ATP11C: variants seen among roughly 807,000 people sequenced by gnomAD.
ATP11C encodes the protein ATPase phospholipid transporting 11C (ATP11C blood group), also known as phospholipid-transporting ATPase IG.
In ATP11C, 36 loss-of-function variants were observed where a neutral mutation model predicts 97.4. That is an observed-to-expected ratio of 0.37 (90% CI 0.28 to 0.49). ATP11C has a LOEUF of 0.49. Ranked by LOEUF, ATP11C falls within the 20% of genes least tolerant of loss-of-function variation. ATP11C has a pLI of 0.98. For synonymous variants in ATP11C, 275 were observed against 290.9 expected (o/e 0.95, Z 0.56); for missense variants, 730 against 824.6 (o/e 0.89, Z 1.40).
intron 1 of ATP11C, among the ~76,000 whole-genome samples, chrX:139,849,353 T>A (rs895696765): frequency 9.0e-6 from 1 of 111,006 alleles, no homozygotes; most frequent in African/African-American, 3.3e-5. Flanking sequence ...TATTTTCCTT[T>A]AAAAAAAACT....
chrX:139,864,934 G>T (rs1214489453), intron 1 of ATP11C, among the ~76,000 whole-genome samples: 4 of 112,295 alleles, frequency 3.6e-5, no homozygotes, highest in Non-Finnish European at 7.5e-5. Context: ...GAGTTAAAAA[G>T]TGGAACAGAT....
At chrX:139,832,412 C>A in intron 1 of ATP11C, 1 of 700,414 alleles carries the variant, frequency 1.4e-6, no homozygotes, top group Non-Finnish European at 1.9e-6. Flanking sequence ...AGTACTCTGG[C>A]GGCCTTAGCC....
chrX:139,784,695 AAG>A (rs2082537213), intron 16 of ATP11C, among the ~76,000 whole-genome samples: 1 of 111,048 alleles, frequency 9.0e-6, no homozygotes, highest in Non-Finnish European at 1.9e-5. Context: ...CTGCTCAACA[AAG>A]AACCTGAGCT....
At chrX:139,770,486 CAA>C (rs1847031731) in intron 19 of ATP11C, among the ~76,000 whole-genome samples, 1 of 111,855 alleles carries the variant, frequency 8.9e-6, no homozygotes, top group Admixed American at 9.4e-5. Flanking sequence ...GGAGAACCAC[CAA>C]AGTTTTCAGA....
intron 2 of ATP11C, among the ~76,000 whole-genome samples, chrX:139,823,169 G>A (rs745627978): frequency 5.4e-5 from 6 of 111,249 alleles, no homozygotes; most frequent in South Asian, 7.8e-4. Context: ...GAAATCGCGC[G>A]CCACTACATT....
At chrX:139,928,086 A>G (rs1200942847) in intron 1 of ATP11C, among the ~76,000 whole-genome samples, 1 of 112,040 alleles carries the variant, frequency 8.9e-6, no homozygotes, top group Non-Finnish European at 1.9e-5. Flanking sequence ...GGAAAATGTT[A>G]ATTTATTACT....
chrX:139,927,865 T>C (rs1468199736), intron 1 of ATP11C, among the ~76,000 whole-genome samples: 2 of 111,989 alleles, frequency 1.8e-5, no homozygotes, highest in Non-Finnish European at 3.8e-5. Flanking sequence ...CATTCTTTGC[T>C]CATTCTGCAT....
At position 139,871,437 on chromosome X, in the gene ATP11C, C is replaced by T. The variant is rs751547096; in HGVS notation, c.28-44614G>A. 3.1e-3 allele frequency among the ~76,000 whole-genome samples: 330 copies of T among 107,777 alleles called. 1 individual carries two copies. Among genetic ancestry groups the T allele is most frequent in the African/African-American group, 0.011 (312 of 29,525 alleles). 93.6% of individuals were successfully genotyped at this position (107,777 alleles called of 115,157 possible). ...TTGGCCAGGCTGGTCTCGAACTCCT[C>T]ACCTCAAGTGATCCGCCTACCTCGG... On this transcript the variant is annotated intron_variant, in intron 1 of 29. Transcript: ENST00000682941.
chrX:139,886,636 A>C (rs1159297854), intron 1 of ATP11C, among the ~76,000 whole-genome samples: 1 of 109,000 alleles, frequency 9.2e-6, no homozygotes, highest in Non-Finnish European at 1.9e-5. Flanking sequence ...GAAACATGTG[A>C]TACTGAGGGA....
intron 19 of ATP11C, among the ~76,000 whole-genome samples, chrX:139,771,027 G>A (rs961199519): frequency 9.0e-6 from 1 of 111,637 alleles, no homozygotes; most frequent in African/African-American, 3.3e-5. Context: ...GGTATTAGGA[G>A]GTGGGGCCCT....
intron 16 of ATP11C, among the ~76,000 whole-genome samples, chrX:139,783,844 G>A (rs1358216517): frequency 9.4e-6 from 1 of 106,156 alleles, no homozygotes; most frequent in African/African-American, 3.7e-5. Flanking sequence ...CTCCAGCCTA[G>A]ATGACAGAGT....
At chrX:139,820,259 G>C (rs1227537953) in intron 2 of ATP11C, among the ~76,000 whole-genome samples, 1 of 108,593 alleles carries the variant, frequency 9.2e-6, no homozygotes, top group Non-Finnish European at 1.9e-5. Context: ...AACTTAGCTG[G>C]ACATGGTGGT....
At chrX:139,781,080 G>A (rs960357717) in intron 18 of ATP11C, among the ~76,000 whole-genome samples, 2 of 110,495 alleles carry the variant, frequency 1.8e-5, no homozygotes, top group African/African-American at 6.6e-5. Flanking sequence ...GTATAACCCC[G>A]ACCCACCCTC....
At chrX:139,933,221 T>A (rs1443627720), upstream of ATP11C, among the ~76,000 whole-genome samples, 2 of 110,523 alleles carry the variant, frequency 1.8e-5, no homozygotes, top group Non-Finnish European at 3.8e-5. Context: ...CCCCACACGC[T>A]AGTCCCGGGT....
chrX:139,832,422 C>T, intron 1 of ATP11C: 1 of 597,638 alleles, frequency 1.7e-6, no homozygotes, highest in Non-Finnish European at 2.4e-6. Flanking sequence ...CGGCCTTAGC[C>T]CCATTATTGC....
chrX:139,825,086 A>G (rs2083498619), intron 2 of ATP11C, among the ~76,000 whole-genome samples: 1 of 111,400 alleles, frequency 9.0e-6, no homozygotes, highest in African/African-American at 3.3e-5. Flanking sequence ...AACTTGAGGA[A>G]ATCAATAGTA....
rs1339463108 is a variant in ATP11C, at chrX:139,866,728, CA to C, written c.28-39906del. Among the ~76,000 whole-genome samples the C allele has an allele frequency of 9.9e-3, 1,056 of 107,135 alleles. 17 individuals are homozygous for C. The highest frequency in any genetic ancestry group is 0.034 in the African/African-American group (1,008 of 29,358). The allele number at this position is 107,135 out of a possible 115,157, so 93.0% of individuals were successfully genotyped here. ...AAGAAGACCCTGTTTCAAAAACAAA[CA>C]AAAAAAAAGACGCCGGAAGAATCTG... On this transcript the variant is annotated intron_variant, in intron 1 of 29. Transcript: ENST00000682941.
rs183598640 is a variant in ATP11C at position 139,915,497 on chromosome X, C to T, written c.27+16519G>A. 6.5e-4 allele frequency among the ~76,000 whole-genome samples: 71 copies of T among 109,942 alleles called. 1 individual carries two copies. Among genetic ancestry groups the T allele is most frequent in the Non-Finnish European group, 8.3e-4 (44 of 52,857 alleles). ...CCAGCCTGGTCAACACAGTGAAACCCTGACTCTACTAAAAATGCAAAATTT... is the reference window on the plus strand; with the variant it reads ...CCAGCCTGGTCAACACAGTGAAACCTTGACTCTACTAAAAATGCAAAATTT... On this transcript the variant is annotated intron_variant, in intron 1 of 29. Transcript: ENST00000682941.
rs1476783226 is a variant in ATP11C, at chrX:139,789,501, C to T, written c.1207-13G>A. 1 of 1,162,220 alleles carries T rather than the reference C, an allele frequency of 8.6e-7. No homozygotes were observed. The highest frequency in any genetic ancestry group is 3.1e-5 in the East Asian group (1 of 32,625). ...ATACATAATCCACCTAAAACAAGGACACAAACATATATTGTTAGTTTCTTC... is the reference window on the plus strand; with the variant it reads ...ATACATAATCCACCTAAAACAAGGATACAAACATATATTGTTAGTTTCTTC... On this transcript the variant is annotated splice_polypyrimidine_tract_variant and intron_variant, in intron 12 of 29. Transcript: ENST00000682941.
Sources: allele counts gnomAD v4.1 joint callset (sites outside exome capture counted in the v4.1 genomes callset), GRCh38; gene constraint gnomAD v4.1.1; transcripts MANE v1.5; gene names NCBI Gene and HGNC (gene_info 2026-07-23, HGNC 2026-07-21).